Variants in WWTR1 observed in about 807,000 individuals in gnomAD.
WWTR1 encodes WW domain-containing transcription regulator protein 1.
In WWTR1, 13 loss-of-function variants were observed where a neutral mutation model predicts 40.1. That is an observed-to-expected ratio of 0.32 (90% CI 0.21 to 0.52). The LOEUF is 0.52. Ranked by LOEUF, WWTR1 falls within the 20% of genes least tolerant of loss-of-function variation. WWTR1 has a pLI of 0.97. For missense variants in WWTR1, 436 were observed against 523.1 expected (o/e 0.83, Z 1.63); for synonymous variants, 230 against 210.1 (o/e 1.09, Z -0.82).
At position 149,631,911 on chromosome 3, in the gene WWTR1, T is replaced by G. The variant is rs1711562554; in HGVS notation, c.431+24965A>C. The stretch of plus-strand genomic sequence containing the variant: ...TGATACCTTAATAAAATTGAGAACT[T>G]TAAGCACTTTATTTATTTATTCATT... On this transcript the variant is annotated intron_variant, in intron 2 of 6. Coordinates refer to ENST00000360632, the MANE Select transcript of WWTR1 (RefSeq NM_015472.6). Among the ~76,000 whole-genome samples the G allele has an allele frequency of 1.3e-5, 2 of 152,046 alleles. 1 individual carries two copies. Among genetic ancestry groups the G allele is most frequent in the South Asian group, 4.1e-4 (2 of 4,826 alleles).
intron 3 of WWTR1, among the ~76,000 whole-genome samples, chr3:149,572,592 A>G (rs1436038173): frequency 1.3e-5 from 2 of 152,102 alleles, no homozygotes; most frequent in South Asian, 2.1e-4. Flanking sequence ...AGGAGCAAAC[A>G]CCGTCTGGGT....
intron 4 of WWTR1, among the ~76,000 whole-genome samples, chr3:149,722,935 C>A (rs1715788161): frequency 1.3e-5 from 2 of 152,034 alleles, no homozygotes; most frequent in African/African-American, 4.8e-5. Flanking sequence ...ACTTTCACCA[C>A]ATCCTCCTTT....
intron 3 of WWTR1, among the ~76,000 whole-genome samples, chr3:149,564,315 TCTTAGAGA>T (rs1737210665): frequency 6.6e-6 from 1 of 152,210 alleles, no homozygotes; most frequent in African/African-American, 2.4e-5. Context: ...TAAACACTGA[TCTTAGAGA>T]CTAGTGAATA....
At chr3:149,709,525 A>G (rs1026704589) in intron 5 of WWTR1, among the ~76,000 whole-genome samples, 2 of 152,190 alleles carry the variant, frequency 1.3e-5, no homozygotes, top group African/African-American at 4.8e-5. Flanking sequence ...TAGGTTAAGT[A>G]AAGAATTTTT....
chr3:149,633,111 A>C lies in WWTR1; in HGVS notation c.431+23765T>G, dbSNP rs59864149. On this transcript the variant is annotated intron_variant, in intron 2 of 6. Coordinates refer to ENST00000360632, the MANE Select transcript of WWTR1 (RefSeq NM_015472.6). ...AAGCTGTTAAAAAATAAGTATGGCC[A>C]GGCACAGTGGCTCACGTCTGTAATC... Among the ~76,000 whole-genome samples the C allele has an allele frequency of 4.9e-3, 749 of 152,340 alleles. 3 individuals carry two copies. The highest frequency in any genetic ancestry group is 0.018 in the African/African-American group (728 of 41,578).
At chr3:149,592,483 G>C (rs1304324229) in intron 2 of WWTR1, among the ~76,000 whole-genome samples, 2 of 152,128 alleles carry the variant, frequency 1.3e-5, no homozygotes, top group African/African-American at 4.8e-5. Flanking sequence ...ATAAATGTAA[G>C]TACAATGCTA....
intron 2 of WWTR1, among the ~76,000 whole-genome samples, chr3:149,626,710 T>C (rs1043853804): frequency 6.6e-6 from 1 of 152,176 alleles, no homozygotes; most frequent in Non-Finnish European, 1.5e-5. Context: ...AGAGCATCAA[T>C]TGGAAAACCA....
Position 149,656,863 on chromosome 3 carries a change from C to T in WWTR1, c.431+13G>A, listed in dbSNP as rs368594903. Reference sequence around the variant, plus strand: ...TGTGACTTGGTGCCTTCTTCGGCTCCAGGCTGACTTACTTGAGGAAGTACC... The same window carrying T: ...TGTGACTTGGTGCCTTCTTCGGCTCTAGGCTGACTTACTTGAGGAAGTACC... On this transcript the variant is annotated intron_variant, in intron 2 of 6. Transcript: ENST00000360632. 32 of 1,507,854 alleles carry T rather than the reference C, an allele frequency of 2.1e-5. No homozygotes were observed. The African/African-American group carries it at 4.0e-4, about 19-fold the overall frequency. The allele number at this position is 1,507,854 out of a possible 1,614,324, so 93.4% of individuals were successfully genotyped here. A position where few individuals can be genotyped will look rare whatever the true frequency, so the allele number is the denominator to read the frequency against.
At chr3:149,628,736 TTTTTTA>T (rs900225405) in intron 2 of WWTR1, among the ~76,000 whole-genome samples, 2 of 144,090 alleles carry the variant, frequency 1.4e-5, no homozygotes, top group African/African-American at 2.6e-5. Context: ...TCTTTTTATT[TTTTTTA>T]TTTTATTTTA....
intron 4 of WWTR1, among the ~76,000 whole-genome samples, chr3:149,719,135 T>C (rs1453499676): frequency 6.6e-6 from 1 of 151,838 alleles, no homozygotes; most frequent in Non-Finnish European, 1.5e-5. Context: ...CTGAATTTTC[T>C]TCCTTTTTAA....
At chr3:149,713,359 ATTTT>A (rs1206217002) in intron 5 of WWTR1, among the ~76,000 whole-genome samples, 3 of 151,214 alleles carry the variant, frequency 2.0e-5, no homozygotes, top group Non-Finnish European at 4.4e-5. Flanking sequence ...TTTTTATTTT[ATTTT>A]ATTAATTTAT....
intron 2 of WWTR1, among the ~76,000 whole-genome samples, chr3:149,631,775 C>T (rs1046666107): frequency 1.4e-4 from 22 of 152,136 alleles, no homozygotes; most frequent in African/African-American, 5.1e-4. Flanking sequence ...CATTAACACA[C>T]ACGAAGGGAG....
chr3:149,524,327 GTTTTTTT>G (rs3044124), intron 6 of WWTR1, among the ~76,000 whole-genome samples: 32 of 139,252 alleles, frequency 2.3e-4, no homozygotes, highest in Admixed American at 4.4e-4. Flanking sequence ...CTCTTTTATG[GTTTTTTT>G]TTTTTTTTTT....
At chr3:149,640,096 C>T (rs146157721) in intron 2 of WWTR1, among the ~76,000 whole-genome samples, 1 of 152,072 alleles carries the variant, frequency 6.6e-6, no homozygotes, top group African/African-American at 2.4e-5. Flanking sequence ...CTTGGATTGC[C>T]CTTATTCACG....
At chr3:149,572,807 C>T (rs1370095661) in intron 3 of WWTR1, 57 bp downstream of exon 3, 24 of 1,581,782 alleles carry the variant, frequency 1.5e-5, no homozygotes, top group African/African-American at 2.8e-5. Context: ...CAAAGGGAGA[C>T]CCCAACTCTA....
chr3:149,699,693 G>A (rs778034051), intron 1 of WWTR1, among the ~76,000 whole-genome samples: 2 of 152,194 alleles, frequency 1.3e-5, no homozygotes, highest in Non-Finnish European at 2.9e-5. Context: ...CTGTACTGCA[G>A]TTCCCAACAG....
At chr3:149,708,835 AGGATTTCT>A (rs1715398134) in intron 5 of WWTR1, among the ~76,000 whole-genome samples, 1 of 152,162 alleles carries the variant, frequency 6.6e-6, no homozygotes, top group Non-Finnish European at 1.5e-5. Context: ...ACCCAGAAGA[AGGATTTCT>A]GTATTATACT....
chr3:149,651,685 T>G (rs915850612), intron 2 of WWTR1, among the ~76,000 whole-genome samples: 2 of 152,182 alleles, frequency 1.3e-5, no homozygotes, highest in South Asian at 4.1e-4. Context: ...CCCATTTGAC[T>G]TTGGGGCTAG....
At chr3:149,579,456 G>T in intron 2 of WWTR1, among the ~76,000 whole-genome samples, 1 of 152,208 alleles carries the variant, frequency 6.6e-6, no homozygotes, top group East Asian at 1.9e-4. Context: ...TGTAGCCTCT[G>T]TCCTTACTAC....
Sources: gnomAD v4.1 joint callset for allele counts (sites outside exome capture counted in the v4.1 genomes callset) on GRCh38, gnomAD v4.1.1 for gene constraint, MANE v1.5 for transcripts, NCBI Gene and HGNC (gene_info 2026-07-23, HGNC 2026-07-21) for gene names.